Variants in ACTL6B observed in about 807,000 individuals in gnomAD.
ACTL6B encodes actin-like protein 6B.
A neutral mutation model predicts 63.3 loss-of-function variants in ACTL6B; 48 were observed. The ratio of observed to expected loss-of-function variants is 0.76; its 90% CI spans 0.60 to 0.96. The LOEUF (loss-of-function observed/expected upper bound fraction) is 0.96, where lower values mean the gene tolerates loss of function less well. ACTL6B is among the 50% of genes least tolerant of loss of function. The pLI, the probability that ACTL6B is intolerant of heterozygous loss-of-function variation, is 0.00. For synonymous variants in ACTL6B, 230 were observed against 223.8 expected (o/e 1.03, Z -0.25); for missense variants, 350 against 572.2 (o/e 0.61, Z 3.96).
chr7:100,649,106 C>T (rs1803881273), intron 5 of ACTL6B, among the ~76,000 whole-genome samples: 1 of 151,776 alleles, frequency 6.6e-6, no homozygotes, highest in South Asian at 2.1e-4. Flanking sequence ...CATTCTCCTG[C>T]CTCAGCCTCC....
Position 100,647,326 on chromosome 7 carries a change from G to A in ACTL6B, c.760-42C>T, listed in dbSNP as rs768283279. ...GGTGGTGAGGGCCTGCCTTCCCCGT[G>A]AGCAGCACCCCCTGCCCCGCTCCCC... On this transcript the variant is annotated intron_variant, in intron 8 of 13. Transcript: ENST00000160382. The surrounding 1 kb of genome is among the most constrained non-coding windows in gnomAD (Gnocchi z 4.4). 48 of 1,609,746 alleles carry A rather than the reference G, an allele frequency of 3.0e-5. No homozygotes were observed. The highest frequency in any genetic ancestry group is 3.9e-5 in the Non-Finnish European group (46 of 1,177,594).
In ACTL6B at chr7:100,655,995, G is replaced by A. The variant is rs1397138023; in HGVS notation, c.26-116C>T. ...TCGCCACTTTCAACACCAGTCTGGGGCCGGTGGGAGCTGGGCCTGGAGTCC... is the reference window on the plus strand; with the variant it reads ...TCGCCACTTTCAACACCAGTCTGGGACCGGTGGGAGCTGGGCCTGGAGTCC... On this transcript the variant is annotated intron_variant, in intron 1 of 13. Transcript: ENST00000160382. The surrounding 1 kb of genome is among the most constrained non-coding windows in gnomAD (Gnocchi z 4.4). The A allele has an allele frequency of 9.3e-7, 1 of 1,071,890 alleles. No individual in the cohort carries two copies. The highest frequency in any genetic ancestry group is 1.3e-6 in the Non-Finnish European group (1 of 753,698). The allele number at this position is 1,071,890 out of a possible 1,614,324, so 66.4% of individuals were successfully genotyped here.
chr7:100,652,999 C>CA (rs58707737), intron 4 of ACTL6B, among the ~76,000 whole-genome samples: 293 of 25,928 alleles, frequency 0.011, 31 homozygotes, highest in Middle Eastern at 0.029. Flanking sequence ...AACTCCGTCT[C>CA]AAAAAAAAAA....
chr7:100,643,253 C>T lies in ACTL6B; in HGVS notation c.1274G>A (p.Cys425Tyr). 6.2e-7 allele frequency: 1 copy of T among 1,613,984 alleles called. No individual in the cohort carries two copies. The highest frequency in any genetic ancestry group is 8.5e-7 in the Non-Finnish European group (1 of 1,179,948). ...GTGTGGGGAGGAGTGCCATCAGGGG[C>T]ACTTTCGCTCCACGCACTGCTTCCC... ...EGGKQCVERK[C>Y]P The change falls in exon 14 of 14, where the codon TGC (cysteine) becomes TAC (tyrosine). Residue 425 changes from cysteine to tyrosine, a missense_variant. Physicochemically the swap from Cys to Tyr is radical, Grantham distance 194 (BLOSUM62 -2). Coordinates refer to ENST00000160382, the MANE Select transcript of ACTL6B (RefSeq NM_016188.5).
In ACTL6B at chr7:100,647,514, G is replaced by A; in HGVS notation, c.689C>T (p.Ala230Val). Residue 230 changes from alanine to valine, a missense_variant, in exon 8 of 14, where the codon GCC (alanine) becomes GTC (valine). Around this residue, in one of 3 missense-constraint regions of ACTL6B, gnomAD observed 250 missense variants for 364.7 expected, o/e 0.69. Transcript: ENST00000160382. The surrounding 1 kb of genome is among the most constrained non-coding windows in gnomAD (Gnocchi z 4.4). ...CTCCTTCTTCTTCCAGTTTGGGGGG[G>A]CACCCTCCCGGACAGGCTCCTGTGG... The part of the protein sequence containing the change: ...IAAKEPVREG[A>V]PPNWKKKEKL... 1.2e-6 allele frequency: 2 copies of A among 1,605,382 alleles called. No individual in the cohort carries two copies. The highest frequency in any genetic ancestry group is 1.7e-6 in the Non-Finnish European group (2 of 1,175,632).
chr7:100,656,216 G>C (rs1804037496), intron 1 of ACTL6B, 114 bp downstream of exon 1: 1 of 1,243,544 alleles, frequency 8.0e-7, no homozygotes, highest in African/African-American at 1.6e-5. Context: ...CCGAGCCTGA[G>C]ACTCGACCCG....
chr7:100,651,743 C>A (rs1205345221), intron 4 of ACTL6B, among the ~76,000 whole-genome samples: 1 of 151,702 alleles, frequency 6.6e-6, no homozygotes, highest in Non-Finnish European at 1.5e-5. Flanking sequence ...ACCACCATGG[C>A]CAGCTAATTT....
intron 13 of ACTL6B, among the ~76,000 whole-genome samples, chr7:100,644,120 A>G (rs963181098): frequency 1.3e-5 from 2 of 152,080 alleles, no homozygotes; most frequent in African/African-American, 4.8e-5. Flanking sequence ...AGCTGGTCTC[A>G]AACTCCTGAC....
chr7:100,656,194 G>T (rs1357512278), intron 1 of ACTL6B, 136 bp downstream of exon 1: 6 of 1,087,070 alleles, frequency 5.5e-6, no homozygotes, highest in Non-Finnish European at 6.1e-6. Context: ...GAGCGCAGGG[G>T]TGGCGGGAGA....
chr7:100,648,418 T>C lies in ACTL6B; in HGVS notation c.669+138A>G, dbSNP rs1803867892. On this transcript the variant is annotated intron_variant, in intron 7 of 13. Coordinates refer to ENST00000160382, the MANE Select transcript of ACTL6B (RefSeq NM_016188.5). The surrounding 1 kb of genome is among the most constrained non-coding windows in gnomAD (Gnocchi z 4.4). Reference sequence around the variant, plus strand: ...GTCTGGATTTCGGATGCCTCGATTATAAAAGGAGGAACTGGAGCCAGGACC... The same window carrying C: ...GTCTGGATTTCGGATGCCTCGATTACAAAAGGAGGAACTGGAGCCAGGACC... 4 of 722,156 alleles carry C rather than the reference T, an allele frequency of 5.5e-6. No individual in the cohort carries two copies. Among genetic ancestry groups the C allele is most frequent in the African/African-American group, 5.4e-5 (3 of 55,702 alleles). The allele number at this position is 722,156 out of a possible 1,614,324, so 44.7% of individuals were successfully genotyped here.
rs1052113184 is a variant in ACTL6B, at chr7:100,647,152, A to G, written c.822-67T>C. On this transcript the variant is annotated intron_variant, in intron 9 of 13. Coordinates refer to ENST00000160382, the MANE Select transcript of ACTL6B (RefSeq NM_016188.5). This position sits in a 1 kb window ranked among gnomAD's most constrained non-coding sequence, Gnocchi z 4.4. ...AGGATCAGTGCGTGGGCAGCACCAG[A>G]GCCCCCCAGCCCACCCCAAGAGTGC... is the stretch of plus-strand genomic sequence containing the variant. 191 of 1,606,366 alleles carry G rather than the reference A, an allele frequency of 1.2e-4. No homozygotes were observed. The highest frequency in any genetic ancestry group is 1.8e-4 in the Admixed American group (11 of 59,938).
At chr7:100,645,905 T>G (rs923848581) in intron 13 of ACTL6B, among the ~76,000 whole-genome samples, 1 of 152,204 alleles carries the variant, frequency 6.6e-6, no homozygotes, top group Non-Finnish European at 1.5e-5. Context: ...CTGCAGGGAT[T>G]ACCGGCATGA....
Position 100,646,681 on chromosome 7 carries a change from A to G in ACTL6B, c.1018-35T>C. 6.2e-7 allele frequency: 1 copy of G among 1,613,206 alleles called. No homozygotes were observed. Reference sequence around the variant, plus strand: ...GGGAGAAGGAGTGAGCTGCGGGGGCAGCCCCCCAACCCCGTCTCCCCACTT... The same window carrying G: ...GGGAGAAGGAGTGAGCTGCGGGGGCGGCCCCCCAACCCCGTCTCCCCACTT... On this transcript the variant is annotated intron_variant, in intron 11 of 13. Transcript: ENST00000160382. This position sits in a 1 kb window ranked among gnomAD's most constrained non-coding sequence, Gnocchi z 6.1.
At position 100,647,626 on chromosome 7, in the gene ACTL6B, G is replaced by T; in HGVS notation, c.670-93C>A. 1 of 936,774 alleles carries T rather than the reference G, an allele frequency of 1.1e-6. No homozygotes were observed. Among genetic ancestry groups the T allele is most frequent in the Non-Finnish European group, 1.6e-6 (1 of 612,962 alleles). The allele number at this position is 936,774 out of a possible 1,614,324, so 58.0% of individuals were successfully genotyped here. ...CTGTTCCCAGCTCTGCAGCTACCTG[G>T]CGCTGCAGGCTCTGCTGTGCTGCCT... On this transcript the variant is annotated intron_variant, in intron 7 of 13. Transcript: ENST00000160382. This position sits in a 1 kb window ranked among gnomAD's most constrained non-coding sequence, Gnocchi z 4.4.
chr7:100,655,541 C>G lies in ACTL6B; in HGVS notation c.148G>C (p.Gly50Arg). ...TTGTCCCCCTCCAGCTCCAGCCCGC[C>G]CCCCTCCTCCGCGGCCAGCAGCCCC... ...TVGLLAAEEGGGLELEGDKEK... is the reference protein window; with the variant it reads ...TVGLLAAEEGRGLELEGDKEK... The change falls in exon 3 of 14, where the codon GGC becomes CGC. Residue 50 changes from glycine (G) to arginine (R), a missense_variant. Physicochemically the swap from Gly to Arg is moderately radical, Grantham distance 125 (BLOSUM62 -2). This residue lies in a region of ACTL6B where 250 missense variants were observed against 364.7 expected (regional missense o/e 0.69). Coordinates refer to ENST00000160382, the MANE Select transcript of ACTL6B (RefSeq NM_016188.5). This position sits in a 1 kb window ranked among gnomAD's most constrained non-coding sequence, Gnocchi z 4.4. The G allele has an allele frequency of 6.2e-7, 1 of 1,614,004 alleles. No homozygotes were observed. Among genetic ancestry groups the G allele is most frequent in the Non-Finnish European group, 8.5e-7 (1 of 1,179,908 alleles).
intron 13 of ACTL6B, among the ~76,000 whole-genome samples, chr7:100,644,377 A>T (rs750208036): frequency 1.3e-5 from 2 of 152,144 alleles, no homozygotes; most frequent in Non-Finnish European, 1.5e-5. Context: ...TGTCCAATGC[A>T]GTGGCCACTA....
chr7:100,650,574 C>T (rs531007398), intron 4 of ACTL6B, among the ~76,000 whole-genome samples: 4 of 152,206 alleles, frequency 2.6e-5, no homozygotes, highest in South Asian at 4.1e-4. Context: ...GGGTGGCTTA[C>T]GCCTATAATC....
intron 4 of ACTL6B, among the ~76,000 whole-genome samples, chr7:100,650,718 A>C (rs73170759): frequency 1.3e-5 from 2 of 152,122 alleles, no homozygotes; most frequent in Non-Finnish European, 2.9e-5. Flanking sequence ...TTAAAACTAC[A>C]TGAACAGAAA....
chr7:100,650,060 A>G lies in ACTL6B; in HGVS notation c.445T>C (p.Cys149Arg). The part of the protein sequence containing the change: ...EQYNIPAFFL[C>R]KTAVLTAFAN... ...TACGCGGTGAGCACAGCCGTCTTGC[A>G]TAAGAAGAAGGCAGGAATGTTGTAC... Residue 149 changes from cysteine (C) to arginine (R), a missense_variant, in exon 5 of 14, where the codon TGC becomes CGC. Around this residue, in one of 3 missense-constraint regions of ACTL6B, gnomAD observed 250 missense variants for 364.7 expected, o/e 0.69. Coordinates refer to ENST00000160382, the MANE Select transcript of ACTL6B (RefSeq NM_016188.5). 2 of 1,613,914 alleles carry G rather than the reference A, an allele frequency of 1.2e-6. No homozygotes were observed. Among genetic ancestry groups the G allele is most frequent in the Non-Finnish European group, 1.7e-6 (2 of 1,179,954 alleles).
Sources: allele counts gnomAD v4.1 joint callset (sites outside exome capture counted in the v4.1 genomes callset), GRCh38; gene constraint gnomAD v4.1.1; regional missense constraint gnomAD v4.1.1; non-coding constraint Gnocchi (gnomAD v3.1); transcripts MANE v1.5; gene names NCBI Gene and HGNC (gene_info 2026-07-23, HGNC 2026-07-21).